The following TSBP1 variants were observed in gnomAD, a reference collection of about 807,000 sequenced individuals.
TSBP1 encodes testis-expressed basic protein 1.
A neutral mutation model predicts 68.8 loss-of-function variants in TSBP1; 56 were observed. That is an observed-to-expected ratio of 0.81 (90% CI 0.66 to 1.02). The LOEUF is 1.02. Among genes scored for constraint, TSBP1 ranks in the 50% least tolerant of loss-of-function variants. TSBP1 has a pLI of 0.00. For synonymous variants in TSBP1, 171 were observed against 208.7 expected (o/e 0.82, Z 1.56); for missense variants, 502 against 641.2 (o/e 0.78, Z 2.34).
chr6:32,369,940 G>C, exon 2 of TSBP1: 1 of 1,612,294 alleles, frequency 6.2e-7, no homozygotes, highest in Non-Finnish European at 8.5e-7. Context: ...AAATAGCCAG[G>C]ATGGCAAGTC....
rs1299748188 is a variant in TSBP1, at chr6:32,316,645, TAA to T, written c.560-855_560-854del. Among the ~76,000 whole-genome samples the T allele has an allele frequency of 6.6e-6, 1 of 152,216 alleles. No homozygotes were observed. Among genetic ancestry groups the T allele is most frequent in the Non-Finnish European group, 1.5e-5 (1 of 68,036 alleles). On this transcript the variant is annotated intron_variant, in intron 18 of 22. Coordinates refer to ENST00000612031, the Ensembl canonical transcript of TSBP1. The surrounding 1 kb of genome is among the most constrained non-coding windows in gnomAD (Gnocchi z 4.5). ...GAGTGATTCTAAGGATTAAATGGGA[TAA>T]TGTAATTAAAGCACCTATATAATTC...
At chr6:32,326,098 T>C in intron 16 of TSBP1, 8 of 1,402,256 alleles carry the variant, frequency 5.7e-6, no homozygotes, top group Non-Finnish European at 7.0e-6. Flanking sequence ...TGGAGGCCAA[T>C]ACTTTGCCAA....
In TSBP1 at chr6:32,325,030, CA is replaced by C. The variant is rs528034243; in HGVS notation, c.515-1417del. On this transcript the variant is annotated intron_variant, in intron 16 of 22. Coordinates refer to ENST00000612031, the Ensembl canonical transcript of TSBP1. The surrounding 1 kb of genome is among the most constrained non-coding windows in gnomAD (Gnocchi z 4.4). ...AAATGGATCTATATCATTTTTCTGT[CA>C]TTTTTTTTCCTTCTGCATGGAAAGT... 8.2e-4 allele frequency among the ~76,000 whole-genome samples: 125 copies of C among 152,048 alleles called. No homozygotes were observed. The highest frequency in any genetic ancestry group is 1.6e-3 in the Non-Finnish European group (107 of 67,966).
chr6:32,352,404 A>G (rs1031746094), intron 8 of TSBP1, among the ~76,000 whole-genome samples: 1 of 151,878 alleles, frequency 6.6e-6, no homozygotes, highest in African/African-American at 2.4e-5. Flanking sequence ...TACAAATATC[A>G]GGATACATAA....
intron 21 of TSBP1, among the ~76,000 whole-genome samples, chr6:32,300,170 A>T (rs115914229): frequency 0.046 from 7,007 of 152,210 alleles, 363 homozygotes; most frequent in African/African-American, 0.13. Flanking sequence ...GGGTAGGTAA[A>T]ATCACTTCTA....
At chr6:32,331,347 A>G (rs1004094621) in intron 15 of TSBP1, among the ~76,000 whole-genome samples, 67 of 152,208 alleles carry the variant, frequency 4.4e-4, no homozygotes, top group African/African-American at 1.6e-3. Flanking sequence ...ACAAGCCACT[A>G]TAATCATTAT....
chr6:32,323,485 G>T, intron 17 of TSBP1, 106 bp downstream of exon 18: 1 of 1,037,152 alleles, frequency 9.6e-7, no homozygotes, highest in Non-Finnish European at 1.5e-6. Context: ...GAGTCAGGTA[G>T]CTGCACACAG....
chr6:32,320,457 A>G (rs1383434283), intron 18 of TSBP1, among the ~76,000 whole-genome samples: 1 of 151,964 alleles, frequency 6.6e-6, no homozygotes, highest in Non-Finnish European at 1.5e-5. Flanking sequence ...CGCATGTTGT[A>G]TCTTGAGGCT....
intron 9 of TSBP1, among the ~76,000 whole-genome samples, chr6:32,342,931 G>A (rs1336810318): frequency 1.3e-5 from 2 of 152,186 alleles, no homozygotes; most frequent in Admixed American, 6.6e-5. Context: ...AATATTTAAA[G>A]ATGTAGAAGA....
Position 32,338,266 on chromosome 6 carries a change from G to T in TSBP1, c.409+713C>A, listed in dbSNP as rs1237702608. On this transcript the variant is annotated intron_variant, in intron 11 of 22. Transcript: ENST00000612031. This position sits in a 1 kb window ranked among gnomAD's most constrained non-coding sequence, Gnocchi z 5.5. ...TGCAGAGTCTGATTTAGTAGGTCGG[G>T]GTGGGCAATAGGCTGAGACTCTGCA... 6.6e-6 allele frequency among the ~76,000 whole-genome samples: 1 copy of T among 152,060 alleles called. No individual in the cohort carries two copies. Among genetic ancestry groups the T allele is most frequent in the Non-Finnish European group, 1.5e-5 (1 of 68,026 alleles).
At chr6:32,367,257 GAGAGAGAA>G (rs1335486510) in intron 4 of TSBP1, among the ~76,000 whole-genome samples, 2 of 151,562 alleles carry the variant, frequency 1.3e-5, no homozygotes, top group African/African-American at 2.4e-5. Flanking sequence ...GAGAGAGAGA[GAGAGAGAA>G]AGAGAGAGAG....
chr6:32,307,966 G>C (rs1765937032), intron 19 of TSBP1, among the ~76,000 whole-genome samples: 1 of 151,642 alleles, frequency 6.6e-6, no homozygotes, highest in South Asian at 2.1e-4. Flanking sequence ...GTAGAGACAG[G>C]GTTTCACCAT....
chr6:32,367,794 T>C (rs1042948475), intron 4 of TSBP1, 131 bp downstream of exon 4: 11 of 591,952 alleles, frequency 1.9e-5, no homozygotes, highest in Non-Finnish European at 3.1e-5. Context: ...AGAGGAGTGA[T>C]AAGCATTTGA....
At chr6:32,323,019 G>T in intron 18 of TSBP1, 98 bp downstream of exon 19, 3 of 891,970 alleles carry the variant, frequency 3.4e-6, no homozygotes, top group Non-Finnish European at 5.3e-6. Context: ...AGGGTAATAA[G>T]GAAGCAAGAG....
At chr6:32,323,530 A>T in intron 17 of TSBP1, 61 bp downstream of exon 18, 1 of 1,517,410 alleles carries the variant, frequency 6.6e-7, no homozygotes, top group Admixed American at 1.7e-5. Flanking sequence ...CAGGTCTCTA[A>T]GCCTTGCAGG....
rs1772460150 is a variant in TSBP1 at position 32,357,309 on chromosome 6, GATCT to G, written c.218-1644_218-1641del. Among the ~76,000 whole-genome samples the G allele has an allele frequency of 6.6e-6, 1 of 152,086 alleles. No individual in the cohort carries two copies. The highest frequency in any genetic ancestry group is 1.9e-4 in the East Asian group (1 of 5,198). ...TAAGATTGTAGGCTTGTACACTAAA[GATCT>G]GTAAACAGGAAATTAAAAATTAAGA... On this transcript the variant is annotated intron_variant, in intron 6 of 22. Transcript: ENST00000612031. This position sits in a 1 kb window ranked among gnomAD's most constrained non-coding sequence, Gnocchi z 4.7.
intron 16 of TSBP1, among the ~76,000 whole-genome samples, chr6:32,328,979 C>A (rs1003929869): frequency 3.9e-5 from 6 of 151,902 alleles, no homozygotes; most frequent in African/African-American, 1.2e-4. Context: ...TTTAGTGTAC[C>A]CATTACCCAA....
intron 9 of TSBP1, 86 bp from the exon 11 acceptor site, chr6:32,339,724 C>G (rs1770123542): frequency 7.9e-6 from 5 of 633,808 alleles, no homozygotes; most frequent in Admixed American, 7.7e-5. Context: ...CCCTCCTCCC[C>G]CTCCTCAGGT....
At chr6:32,317,658 A>G (rs1011663953) in intron 18 of TSBP1, among the ~76,000 whole-genome samples, 1 of 152,240 alleles carries the variant, frequency 6.6e-6, no homozygotes, top group Non-Finnish European at 1.5e-5. Flanking sequence ...GGGAATAGGC[A>G]CTTTTCAAAA....
Sources: allele counts gnomAD v4.1 joint callset (sites outside exome capture counted in the v4.1 genomes callset), GRCh38; gene constraint gnomAD v4.1.1; non-coding constraint Gnocchi (gnomAD v3.1); transcripts MANE v1.5; gene names NCBI Gene and HGNC (gene_info 2026-07-23, HGNC 2026-07-21).